Variants in MFN1 observed in about 807,000 individuals in gnomAD.
MFN1 encodes mitofusin-1.
MFN1 carries 65 observed loss-of-function variants against 92.4 expected under a neutral mutation model. That is an observed-to-expected ratio of 0.70 (90% confidence interval 0.58 to 0.86). The LOEUF (loss-of-function observed/expected upper bound fraction) is 0.86. Ranked by LOEUF, MFN1 falls within the 40% of genes least tolerant of loss-of-function variation. The pLI is 0.00. For synonymous variants in MFN1, 297 were observed against 300.9 expected, an observed-to-expected ratio of 0.99 and a Z score of 0.13; for missense variants, 781 against 868.0, an observed-to-expected ratio of 0.90 and a Z score of 1.26.
chr3:179,387,584 C>CTTTTTTT (rs769878779), intron 16 of MFN1, among the ~76,000 whole-genome samples: 2 of 82,256 alleles, frequency 2.4e-5, no homozygotes, highest in Non-Finnish European at 4.5e-5. Context: ...TTTGTGGTTT[C>CTTTTTTT]TTTTTTTTTT....
intron 4 of MFN1, among the ~76,000 whole-genome samples, chr3:179,360,829 G>C (rs905045572): frequency 2.0e-5 from 3 of 152,138 alleles, no homozygotes; most frequent in African/African-American, 7.2e-5. Context: ...TTAGTTATTA[G>C]AAAAATGAGA....
rs984766093 is a variant in MFN1, at chr3:179,377,326, A to G, written c.1225-18A>G. The G allele has an allele frequency of 4.5e-6, 7 of 1,570,206 alleles. No homozygotes were observed. In the African/African-American group the frequency reaches 6.9e-5, roughly 15 times the overall value. On this transcript the variant is annotated intron_variant, in intron 11 of 17. Coordinates refer to ENST00000471841, the MANE Select transcript of MFN1 (RefSeq NM_033540.3). ...ATCTTGTTTAATTATTTTAACTCCAAAATTTTCATATTTTCAGGTTTCATG... is the reference window on the plus strand; with the variant it reads ...ATCTTGTTTAATTATTTTAACTCCAGAATTTTCATATTTTCAGGTTTCATG...
In MFN1 at chr3:179,348,858, G is replaced by A; in HGVS notation, c.7G>A (p.Glu3Lys). 6.2e-7 allele frequency: 1 copy of A among 1,609,384 alleles called. No individual in the cohort carries two copies. The highest frequency in any genetic ancestry group is 8.5e-7 in the Non-Finnish European group (1 of 1,176,434). The change falls in exon 2 of 18, where the codon GAA becomes AAA. Residue 3 changes from glutamate to lysine, a missense_variant. Glu to Lys is a moderately conservative substitution (Grantham distance 56). Coordinates refer to ENST00000471841, the MANE Select transcript of MFN1 (RefSeq NM_033540.3). MA[E>K]PVSPLKHFVL... The stretch of plus-strand genomic sequence containing the variant: ...ATCTCCCTCTAGTAGCATAATGGCA[G>A]AACCTGTTTCTCCACTGAAGCACTT...
intron 6 of MFN1, 73 bp downstream of exon 6, chr3:179,364,478 A>T: frequency 8.3e-7 from 1 of 1,198,222 alleles, no homozygotes; most frequent in Admixed American, 1.9e-5. Flanking sequence ...CTGAAAAGCA[A>T]GGGAAATCCA....
intron 16 of MFN1, among the ~76,000 whole-genome samples, chr3:179,387,598 T>C (rs1158450448): frequency 1.1e-5 from 1 of 91,760 alleles, no homozygotes. Flanking sequence ...TTTTTTTTTT[T>C]TTTTTTTTTT....
intron 7 of MFN1, among the ~76,000 whole-genome samples, chr3:179,367,184 C>T (rs1295101664): frequency 6.6e-6 from 1 of 152,224 alleles, no homozygotes; most frequent in East Asian, 1.9e-4. Flanking sequence ...CCTTGGCCTC[C>T]CAAAGTGCTG....
At chr3:179,377,491 A>T in intron 12 of MFN1, 43 bp downstream of exon 12, 2 of 1,178,306 alleles carry the variant, frequency 1.7e-6, no homozygotes, top group Non-Finnish European at 2.5e-6. Flanking sequence ...ACAGTTTCTT[A>T]TTATTCTATA....
rs754465819 is a variant in MFN1 at position 179,378,389 on chromosome 3, C to T, written c.1378C>T (p.Arg460Ter). ...TGGTATGGGAAGAAATTTGGCTGAT[C>T]GATGCACCGATGAAGTAAACGCCTT... ...EDGMGRNLAD[R>*]CTDEVNALVL... The change falls in exon 13 of 18, where the codon CGA (arginine) becomes TGA (stop). Residue 460 changes from arginine to a stop codon, truncating the protein, a stop_gained. Coordinates refer to ENST00000471841, the MANE Select transcript of MFN1 (RefSeq NM_033540.3). LOFTEE classifies it high-confidence loss of function. 6.2e-6 allele frequency: 10 copies of T among 1,605,562 alleles called. No individual in the cohort carries two copies. Among genetic ancestry groups the T allele is most frequent in the African/African-American group, 5.4e-5 (4 of 74,220 alleles).
intron 14 of MFN1, among the ~76,000 whole-genome samples, chr3:179,382,307 T>C (rs1407099065): frequency 6.6e-6 from 1 of 152,122 alleles, no homozygotes; most frequent in East Asian, 1.9e-4. Flanking sequence ...CACCTATGAG[T>C]GAGAACATGC....
chr3:179,386,666 T>C (rs1252371580), intron 16 of MFN1, 37 bp downstream of exon 16: 2 of 1,553,208 alleles, frequency 1.3e-6, no homozygotes, highest in Non-Finnish European at 1.7e-6. Flanking sequence ...TAAAAAAAAG[T>C]TACTGAAATA....
intron 9 of MFN1, among the ~76,000 whole-genome samples, chr3:179,371,416 G>A (rs1194021708): frequency 6.6e-6 from 1 of 152,078 alleles, no homozygotes; most frequent in African/African-American, 2.4e-5. Flanking sequence ...CAGAGGCTGA[G>A]GTAGAAGGCC....
intron 9 of MFN1, among the ~76,000 whole-genome samples, chr3:179,371,488 G>A (rs1222621262): frequency 6.6e-6 from 1 of 152,160 alleles, no homozygotes; most frequent in Non-Finnish European, 1.5e-5. Flanking sequence ...CAACCTGTGT[G>A]ACAGAGTGAG....
intron 6 of MFN1, 79 bp from the exon 7 acceptor site, chr3:179,365,039 G>C (rs1421132424): frequency 1.3e-6 from 1 of 791,820 alleles, no homozygotes; most frequent in Non-Finnish European, 1.9e-6. Context: ...AAATGGTTCA[G>C]ACTTTCTCAT....
chr3:179,367,447 A>G lies in MFN1; in HGVS notation c.762A>G (p.Arg254=). 1 of 1,610,006 alleles carries G rather than the reference A, an allele frequency of 6.2e-7. No individual in the cohort carries two copies. Among genetic ancestry groups the G allele is most frequent in the Non-Finnish European group, 8.5e-7 (1 of 1,178,760 alleles). The stretch of plus-strand genomic sequence containing the variant: ...TACCGTTTTCTCTGTAGGTACGCAG[A>G]CAGCACATGGAAAGATGCCTGCATT... ...SEPEYMEDVR[R]QHMERCLHFL... Residue 254 remains arginine (R), a synonymous_variant, in exon 8 of 18, where the codon AGA becomes AGG. Coordinates refer to ENST00000471841, the MANE Select transcript of MFN1 (RefSeq NM_033540.3).
intron 3 of MFN1, among the ~76,000 whole-genome samples, chr3:179,357,507 T>A (rs1712390193): frequency 6.6e-6 from 1 of 151,988 alleles, no homozygotes; most frequent in East Asian, 1.9e-4. Context: ...GGGAAGGGAG[T>A]TGGGAATGAT....
chr3:179,377,123 T>C lies in MFN1; in HGVS notation c.1179T>C (p.Asp393=). ...ACCAGATGAACCTTTTAACACTGGA[T>C]GTTAAGAAAAAAATCAAGGAGGTTA... is the stretch of plus-strand genomic sequence containing the variant. ...IRNQMNLLTL[D]VKKKIKEVTE... The change falls in exon 11 of 18, where the codon GAT becomes GAC. Residue 393 remains aspartate (D), a synonymous_variant. Coordinates refer to ENST00000471841, the MANE Select transcript of MFN1 (RefSeq NM_033540.3). 6.2e-7 allele frequency: 1 copy of C among 1,613,726 alleles called. No individual in the cohort carries two copies. Among genetic ancestry groups the C allele is most frequent in the Non-Finnish European group, 8.5e-7 (1 of 1,179,864 alleles).
chr3:179,357,155 C>T (rs1005086122), intron 3 of MFN1, among the ~76,000 whole-genome samples: 3 of 152,052 alleles, frequency 2.0e-5, no homozygotes, highest in African/African-American at 7.2e-5. Context: ...CTTAAGCTAT[C>T]CTTAAAAGTG....
chr3:179,375,981 A>G (rs933675920), intron 10 of MFN1, among the ~76,000 whole-genome samples: 27 of 152,224 alleles, frequency 1.8e-4, no homozygotes, highest in Non-Finnish European at 2.4e-4. Flanking sequence ...ATGTTATTAG[A>G]TGTGACAAAA....
chr3:179,362,919 GAGA>G lies in MFN1; in HGVS notation c.536+441_536+443del, dbSNP rs1331176592. ...AAGTAATCCATAGAAACAGAGGAGA[GAGA>G]AGATGTTCATGACACCAAGATATTT... On this transcript the variant is annotated intron_variant, in intron 5 of 17. Transcript: ENST00000471841. 2.6e-5 allele frequency among the ~76,000 whole-genome samples: 4 copies of G among 152,160 alleles called. No homozygotes were observed. In the East Asian group the frequency reaches 5.8e-4, roughly 22 times the overall value.
Sources: gnomAD v4.1 joint callset for allele counts (sites outside exome capture counted in the v4.1 genomes callset) on GRCh38, gnomAD v4.1.1 for gene constraint, MANE v1.5 for transcripts, NCBI Gene and HGNC (gene_info 2026-07-23, HGNC 2026-07-21) for gene names.